The following PLCH2 variants were observed in gnomAD, a reference collection of about 807,000 sequenced individuals.
PLCH2 encodes the protein phospholipase C eta 2.
A neutral mutation model predicts 134.7 loss-of-function variants in PLCH2; 98 were observed. The ratio of observed to expected loss-of-function variants is 0.73; its 90% confidence interval spans 0.62 to 0.86. The LOEUF is 0.86. PLCH2 is among the 40% of genes least tolerant of loss of function. PLCH2 has a pLI of 0.00. For missense variants in PLCH2, 1,994 were observed against 1,986.6 expected (o/e 1.00, Z -0.07); for synonymous variants, 974 against 827.5 (o/e 1.18, Z -3.04).
intron 2 of PLCH2, among the ~76,000 whole-genome samples, chr1:2,436,021 TCC>T (rs1639322420): frequency 1.3e-5 from 1 of 75,722 alleles, no homozygotes; most frequent in Non-Finnish European, 2.6e-5. Context: ...CCCTCCTCTC[TCC>T]TCCCTCCTCC....
rs967544112 is a variant in PLCH2, at chr1:2,438,165, G to A, written c.115+7536G>A. Among the ~76,000 whole-genome samples the A allele has an allele frequency of 1.1e-4, 16 of 152,264 alleles. 1 individual carries two copies. In the South Asian group the frequency reaches 1.2e-3, roughly 12 times the overall value. On this transcript the variant is annotated intron_variant, in intron 2 of 3. Transcript: ENST00000609981. ...TCAGAGCCCTGGGGATGCTCAGAGC[G>A]TGCCTGTTGGCAGCCGTGGAAATGA...
At chr1:2,481,579 G>T (rs1641972216) in intron 4 of PLCH2, among the ~76,000 whole-genome samples, 1 of 152,256 alleles carries the variant, frequency 6.6e-6, no homozygotes, top group Non-Finnish European at 1.5e-5. Context: ...GCACGAGTGT[G>T]CGTGGTTTCT....
At chr1:2,418,422 G>A in the PLCH2 span, among the ~76,000 whole-genome samples, 1 of 152,202 alleles carries the variant, frequency 6.6e-6, no homozygotes, top group Non-Finnish European at 1.5e-5. Context: ...CAGTGGAGGG[G>A]GCAGGGCTCT....
chr1:2,446,143 C>T (rs1022692604), intron 2 of PLCH2, among the ~76,000 whole-genome samples: 3 of 152,232 alleles, frequency 2.0e-5, no homozygotes. Flanking sequence ...AGGGTGCTGC[C>T]CCTGGCTGCC....
intron 11 of PLCH2, 101 bp downstream of exon 11, chr1:2,491,436 A>T: frequency 8.7e-7 from 1 of 1,154,004 alleles, no homozygotes; most frequent in East Asian, 2.4e-5. Context: ...GTGCGCACTC[A>T]CACCTGTGCA....
intron 21 of PLCH2, 24 bp downstream of exon 21, chr1:2,502,433 G>C: frequency 6.5e-7 from 1 of 1,543,742 alleles, no homozygotes; most frequent in Non-Finnish European, 8.7e-7. Context: ...TGCGGTGGCA[G>C]AGAAGAGCCC....
intron 1 of PLCH2, among the ~76,000 whole-genome samples, chr1:2,427,755 CAG>C (rs1236704562): frequency 3.3e-5 from 5 of 152,144 alleles, no homozygotes; most frequent in Admixed American, 1.3e-4. Context: ...GGTATTGAAA[CAG>C]AAGCAGCCGG....
the PLCH2 span, among the ~76,000 whole-genome samples, chr1:2,417,614 C>G: frequency 6.6e-5 from 10 of 152,168 alleles, no homozygotes; most frequent in Admixed American, 2.0e-4. Context: ...AGAGTCCGGC[C>G]CTGTCCTGCG....
At chr1:2,489,406 C>T (rs1642444230) in intron 9 of PLCH2, 28 bp downstream of exon 9, 1 of 1,609,102 alleles carries the variant, frequency 6.2e-7, no homozygotes, top group African/African-American at 1.3e-5. Flanking sequence ...CTCCTGGGAC[C>T]AGCTCACACA....
chr1:2,440,279 T>C (rs927201931), intron 2 of PLCH2, among the ~76,000 whole-genome samples: 1 of 151,348 alleles, frequency 6.6e-6, no homozygotes, highest in Admixed American at 6.6e-5. Flanking sequence ...GGGCTGGAGC[T>C]GGGGAGGATC....
chr1:2,424,477 C>G (rs2494590), upstream of PLCH2, among the ~76,000 whole-genome samples: 1 of 151,950 alleles, frequency 6.6e-6, no homozygotes, highest in African/African-American at 2.4e-5. Context: ...GTATTTGTCT[C>G]CTGTGGTTTG....
At chr1:2,466,108 A>G (rs1275077622), upstream of PLCH2, among the ~76,000 whole-genome samples, 1 of 152,072 alleles carries the variant, frequency 6.6e-6, no homozygotes, top group African/African-American at 2.4e-5. Flanking sequence ...CGTGCACTGC[A>G]GTGTCATTGC....
At chr1:2,472,597 G>A (rs1010989799), upstream of PLCH2, among the ~76,000 whole-genome samples, 1 of 152,228 alleles carries the variant, frequency 6.6e-6, no homozygotes, top group Non-Finnish European at 1.5e-5. Context: ...CTGGCCTGGG[G>A]GCCATTGGGA....
At chr1:2,426,972 G>A (rs1172876698) in intron 1 of PLCH2, among the ~76,000 whole-genome samples, 1 of 152,226 alleles carries the variant, frequency 6.6e-6, no homozygotes. Flanking sequence ...GGCTGGGAGA[G>A]TGGGGAGGAC....
At chr1:2,430,148 C>G (rs1377694487) in intron 1 of PLCH2, among the ~76,000 whole-genome samples, 2 of 152,202 alleles carry the variant, frequency 1.3e-5, no homozygotes, top group African/African-American at 4.8e-5. Flanking sequence ...TCCCACCTGA[C>G]TCTTCAGACA....
chr1:2,503,441 G>T, intron 21 of PLCH2: 1 of 601,536 alleles, frequency 1.7e-6, no homozygotes, highest in Non-Finnish European at 3.0e-6. Flanking sequence ...GTGCTGCGTG[G>T]AGTAGATTCC....
At position 2,505,086 on chromosome 1, in the gene PLCH2, A is replaced by G. The variant is rs1396136118; in HGVS notation, c.4124A>G (p.Glu1375Gly). 7 of 1,539,132 alleles carry G rather than the reference A, an allele frequency of 4.5e-6. No individual in the cohort carries two copies. The South Asian group carries it at 5.9e-5, about 13-fold the overall frequency. ...GGCCGGCAGGGACCCCCAGAAGAGGAGCGGGGCACCCCCGAGGGCGCCTGC... is the reference window on the plus strand; with the variant it reads ...GGCCGGCAGGGACCCCCAGAAGAGGGGCGGGGCACCCCCGAGGGCGCCTGC... ...GLGRQGPPEEERGTPEGACSV... is the reference protein window; with the variant it reads ...GLGRQGPPEEGRGTPEGACSV... Residue 1375 changes from glutamate (E) to glycine (G), a missense_variant, in exon 22 of 22, where the codon GAG becomes GGG. Glu to Gly is a moderately conservative substitution (Grantham distance 98). Around this residue, in one of 2 missense-constraint regions of PLCH2, gnomAD observed 900 missense variants for 752.3 expected, o/e 1.20. Transcript: ENST00000378486.
chr1:2,492,011 C>G (rs541900362), intron 11 of PLCH2, among the ~76,000 whole-genome samples: 1 of 152,332 alleles, frequency 6.6e-6, no homozygotes, highest in South Asian at 2.1e-4. Flanking sequence ...AGACCCTCCA[C>G]AGGGTGACAG....
At chr1:2,433,946 A>T (rs1026451765) in intron 2 of PLCH2, among the ~76,000 whole-genome samples, 4 of 151,860 alleles carry the variant, frequency 2.6e-5, no homozygotes, top group African/African-American at 7.3e-5. Context: ...CCCGGCTTTG[A>T]GTGTCTGCCT....
Sources: gnomAD v4.1 joint callset for allele counts (sites outside exome capture counted in the v4.1 genomes callset) on GRCh38, gnomAD v4.1.1 for gene constraint, gnomAD v4.1.1 regional missense constraint, MANE v1.5 for transcripts, NCBI Gene and HGNC (gene_info 2026-07-23, HGNC 2026-07-21) for gene names.